Variants in CDCA7 observed in about 807,000 individuals in gnomAD.
CDCA7 encodes the protein cell division cycle-associated protein 7.
A neutral mutation model predicts 54.0 loss-of-function variants in CDCA7; 28 were observed. The ratio of observed to expected loss-of-function variants is 0.52; its 90% CI spans 0.38 to 0.71. The LOEUF is 0.71. Among genes scored for constraint, CDCA7 ranks in the 30% least tolerant of loss-of-function variants. CDCA7 has a pLI of 0.00. For missense variants in CDCA7, 484 were observed against 586.0 expected (o/e 0.83, Z 1.80); for synonymous variants, 180 against 208.2 (o/e 0.86, Z 1.16).
At chr2:173,362,575 T>C (rs911858281) in intron 3 of CDCA7, among the ~76,000 whole-genome samples, 1 of 92,436 alleles carries the variant, frequency 1.1e-5, no homozygotes. Flanking sequence ...CACATTTTTT[T>C]CCCTTTTTTT....
intron 3 of CDCA7, among the ~76,000 whole-genome samples, chr2:173,362,251 G>A (rs1057114021): frequency 3.9e-5 from 6 of 152,176 alleles, no homozygotes; most frequent in Non-Finnish European, 8.8e-5. Context: ...GAAGTACCTA[G>A]AGAAGTCAAA....
chr2:173,361,293 A>G (rs1686615971), intron 3 of CDCA7, among the ~76,000 whole-genome samples: 1 of 152,184 alleles, frequency 6.6e-6, no homozygotes, highest in Admixed American at 6.5e-5. Flanking sequence ...GTATACTCTT[A>G]GGTATATACA....
At chr2:173,367,584 T>C in intron 9 of CDCA7, 50 bp from the exon 10 acceptor site, 1 of 1,604,894 alleles carries the variant, frequency 6.2e-7, no homozygotes, top group Non-Finnish European at 8.5e-7. Flanking sequence ...CAAAAGAGAA[T>C]TCTTTGGTTG....
Position 173,358,258 on chromosome 2 carries a change from T to C in CDCA7, c.22-454T>C, listed in dbSNP as rs191841683. 4.6e-4 allele frequency among the ~76,000 whole-genome samples: 70 copies of C among 151,044 alleles called. No individual in the cohort carries two copies. In the East Asian group the frequency reaches 0.013, roughly 27 times the overall value. On this transcript the variant is annotated intron_variant, in intron 1 of 9. Coordinates refer to ENST00000306721, the MANE Select transcript of CDCA7 (RefSeq NM_031942.5). Reference sequence around the variant, plus strand: ...TAAAGATTTTTGGGTCCAGATACAGTAGCTAATGCCTGTAATCCAAGCCCT... The same window carrying C: ...TAAAGATTTTTGGGTCCAGATACAGCAGCTAATGCCTGTAATCCAAGCCCT...
chr2:173,364,708 A>G, intron 5 of CDCA7, 87 bp from the exon 6 acceptor site: 11 of 1,502,108 alleles, frequency 7.3e-6, no homozygotes. Flanking sequence ...TACTTAAAAC[A>G]TCCTTAAGGA....
chr2:173,364,828 G>A lies in CDCA7; in HGVS notation c.733G>A (p.Gly245Ser). ...SRRPRRRTFP[G>S]VASRRNPERR... ...GAGACCGCGAAGGCGTACATTCCCG[G>A]GTGTTGCTTCCAGGAGAAACCCTGA... Residue 245 changes from glycine (G) to serine (S), a missense_variant, in exon 6 of 10, where the codon GGT (glycine) becomes AGT (serine). Coordinates refer to ENST00000306721, the MANE Select transcript of CDCA7 (RefSeq NM_031942.5). 1.2e-6 allele frequency: 2 copies of A among 1,610,900 alleles called. No homozygotes were observed. Among genetic ancestry groups the A allele is most frequent in the Non-Finnish European group, 1.7e-6 (2 of 1,178,932 alleles).
rs1192861543 is a variant in CDCA7, at chr2:173,367,161, C to T, written c.1197C>T (p.Cys399=). Residue 399 remains cysteine (C), a synonymous_variant, in exon 9 of 10, where the codon TGC becomes TGT. Coordinates refer to ENST00000306721, the MANE Select transcript of CDCA7 (RefSeq NM_031942.5). ...RDALLDPNWH[C]PPCRGICNCS... is the part of the protein sequence containing the mutation. ...CAATCCTCCTTCAGAACTGGCATTG[C>T]CCGCCTTGTCGAGGAATCTGCAACT... 4.4e-6 allele frequency: 7 copies of T among 1,592,866 alleles called. No homozygotes were observed. Among genetic ancestry groups the T allele is most frequent in the Middle Eastern group, 1.7e-4 (1 of 5,958 alleles).
At chr2:173,359,964 T>A (rs928721469) in intron 3 of CDCA7, among the ~76,000 whole-genome samples, 1 of 152,240 alleles carries the variant, frequency 6.6e-6, no homozygotes, top group Non-Finnish European at 1.5e-5. Context: ...CCCTTCCTGC[T>A]GCTACTTTTG....
At chr2:173,358,019 T>C (rs1026965847) in intron 1 of CDCA7, among the ~76,000 whole-genome samples, 18 of 151,898 alleles carry the variant, frequency 1.2e-4, no homozygotes, top group Admixed American at 1.0e-3. Flanking sequence ...GCTAACACGG[T>C]GAAACCCCGT....
In CDCA7 at chr2:173,356,956, T is replaced by C. The variant is rs564591668; in HGVS notation, c.22-1756T>C. 2.1e-4 allele frequency among the ~76,000 whole-genome samples: 32 copies of C among 152,336 alleles called. No homozygotes were observed. In the South Asian group the frequency reaches 3.7e-3, roughly 18 times the overall value. ...AGTGCCATCATCATGAAAATAACTT[T>C]ATCTGCAAGAGACTGAAATGCGTAA... is the stretch of plus-strand genomic sequence containing the variant. On this transcript the variant is annotated intron_variant, in intron 1 of 9. Coordinates refer to ENST00000306721, the MANE Select transcript of CDCA7 (RefSeq NM_031942.5).
intron 8 of CDCA7, 79 bp from the exon 9 acceptor site, chr2:173,367,071 G>A: frequency 6.7e-7 from 1 of 1,498,586 alleles, no homozygotes; most frequent in Non-Finnish European, 8.9e-7. Flanking sequence ...CCATAAAGAA[G>A]GGGTTAAATG....
In CDCA7 at chr2:173,358,739, T is replaced by C; in HGVS notation, c.49T>C (p.Leu17=). The C allele has an allele frequency of 6.2e-7, 1 of 1,613,950 alleles. No homozygotes were observed. Among genetic ancestry groups the C allele is most frequent in the Non-Finnish European group, 8.5e-7 (1 of 1,179,894 alleles). Residue 17 remains leucine, a synonymous_variant, in exon 2 of 10, where the codon TTA becomes CTA. Coordinates refer to ENST00000306721, the MANE Select transcript of CDCA7 (RefSeq NM_031942.5). ...PQKDLRVKKN[L]KKFRYVKLIS... ...GAAAGATCTCAGAGTAAAGAAGAAC[T>C]TAAAGAAATTCAGATATGTGAAGTT...
At chr2:173,364,619 AG>A in intron 5 of CDCA7, 175 bp from the exon 6 acceptor site, 2 of 802,456 alleles carry the variant, frequency 2.5e-6, no homozygotes, top group Non-Finnish European at 3.5e-6. Flanking sequence ...AGCAAAATTA[AG>A]ATGGCCATAT....
In CDCA7 at chr2:173,365,461, C is replaced by G. The variant is rs113040501; in HGVS notation, c.904C>G (p.Leu302Val). The stretch of plus-strand genomic sequence containing the variant: ...ATTCCTTGTAATGCAGGAAGATGAC[C>G]TGCCCAGAAGCCGTCGCTCCAGATC... ...TVDGYMNEDDLPRSRRSRSSV... is the reference protein window; with the variant it reads ...TVDGYMNEDDVPRSRRSRSSV... The change falls in exon 7 of 10, where the codon CTG becomes GTG. Residue 302 changes from leucine (L) to valine (V), a missense_variant. Leu to Val is a conservative substitution (Grantham distance 32, BLOSUM62 1). Around this residue, in one of 3 missense-constraint regions of CDCA7, gnomAD observed 398 missense variants for 447.4 expected, o/e 0.89. Coordinates refer to ENST00000306721, the MANE Select transcript of CDCA7 (RefSeq NM_031942.5). The G allele has an allele frequency of 3.7e-5, 59 of 1,611,036 alleles. 2 individuals carry two copies. The African/African-American group carries it at 5.6e-4, about 15-fold the overall frequency.
At chr2:173,365,709 GT>G in intron 7 of CDCA7, 117 bp downstream of exon 7, 3 of 1,170,594 alleles carry the variant, frequency 2.6e-6, no homozygotes, top group South Asian at 2.0e-5. Flanking sequence ...GTACCTATAT[GT>G]TTTTTTCACA....
chr2:173,366,486 T>G lies in CDCA7; in HGVS notation c.1185+54T>G. 2 of 1,596,208 alleles carry G rather than the reference T, an allele frequency of 1.3e-6. No homozygotes were observed. The highest frequency in any genetic ancestry group is 1.7e-5 in the Admixed American group (1 of 57,176). Reference sequence around the variant, plus strand: ...GGGCTTGAAGGTCAGCCACAAACTGTGATGAGGCCAGAAAAAGGCATTGGT... The same window carrying G: ...GGGCTTGAAGGTCAGCCACAAACTGGGATGAGGCCAGAAAAAGGCATTGGT... On this transcript the variant is annotated intron_variant, in intron 8 of 9. Transcript: ENST00000306721. This position sits in a 1 kb window ranked among gnomAD's most constrained non-coding sequence, Gnocchi z 4.5.
chr2:173,362,578 CTT>C (rs11437572), intron 3 of CDCA7, among the ~76,000 whole-genome samples: 1 of 143,040 alleles, frequency 7.0e-6, no homozygotes, highest in African/African-American at 2.6e-5. Flanking sequence ...ATTTTTTTCC[CTT>C]TTTTTTTTTT....
chr2:173,368,002 C>A lies in CDCA7; in HGVS notation c.*338C>A. The stretch of plus-strand genomic sequence containing the variant: ...TTTTATTTACTTGGTGTTGAAATAG[C>A]CCTCATAAAACCTAAGCACTTGGAA... On this transcript the variant is annotated 3_prime_UTR_variant, in exon 10 of 10. Transcript: ENST00000306721. The A allele has an allele frequency of 3.0e-6, 1 of 336,496 alleles. No homozygotes were observed. The highest frequency in any genetic ancestry group is 4.4e-5 in the Admixed American group (1 of 22,482). The allele number at this position is 336,496 out of a possible 1,614,324, so 20.8% of individuals were successfully genotyped here.
chr2:173,359,212 AAG>A (rs747003176), intron 2 of CDCA7, 41 bp from the exon 3 acceptor site: 2 of 1,552,448 alleles, frequency 1.3e-6, no homozygotes, highest in African/African-American at 1.4e-5. Flanking sequence ...GTTCTTGAAA[AAG>A]AAAAAAAATG....
Sources: gnomAD v4.1 joint callset for allele counts (sites outside exome capture counted in the v4.1 genomes callset) on GRCh38, gnomAD v4.1.1 for gene constraint, gnomAD v4.1.1 regional missense constraint, Gnocchi (gnomAD v3.1) non-coding constraint, MANE v1.5 for transcripts, NCBI Gene and HGNC (gene_info 2026-07-23, HGNC 2026-07-21) for gene names.